Variants in ATP10B observed in about 807,000 individuals in gnomAD.
The protein encoded by ATP10B is ATPase phospholipid transporting 10B (putative).
In ATP10B, 122 loss-of-function variants were observed where a neutral mutation model predicts 141.2. That is an observed-to-expected ratio of 0.86 (90% CI 0.75 to 1.00). The LOEUF (loss-of-function observed/expected upper bound fraction) is 1.00, where lower values mean the gene tolerates loss of function less well. Ranked by LOEUF, ATP10B falls within the 50% of genes least tolerant of loss-of-function variation. The pLI is 0.00. For missense variants in ATP10B, 1,876 were observed against 1,825.3 expected, an observed-to-expected ratio of 1.03 and a Z score of -0.51; for synonymous variants, 685 against 692.0, an observed-to-expected ratio of 0.99 and a Z score of 0.16.
At chr5:160,708,323 C>T (rs1314949583) in intron 3 of ATP10B, among the ~76,000 whole-genome samples, 1 of 152,152 alleles carries the variant, frequency 6.6e-6, no homozygotes, top group African/African-American at 2.4e-5. Flanking sequence ...ACCCCCGCCC[C>T]CTTCCAATCT....
chr5:160,812,020 C>CAGAGACAGAGAGAGAG (rs1554119636), intron 1 of ATP10B, among the ~76,000 whole-genome samples: 3 of 111,526 alleles, frequency 2.7e-5, no homozygotes, highest in East Asian at 3.3e-4. Context: ...GAGACAGAGA[C>CAGAGACAGAGAGAGAG]AGAGAGAGAG....
At chr5:160,868,581 A>C in the ATP10B span, among the ~76,000 whole-genome samples, 1 of 148,766 alleles carries the variant, frequency 6.7e-6, no homozygotes, top group Non-Finnish European at 1.5e-5. Flanking sequence ...ATGCAACTAT[A>C]TCTCTCTGAC....
At chr5:160,818,794 G>A (rs374494722) in intron 1 of ATP10B, among the ~76,000 whole-genome samples, 13 of 152,078 alleles carry the variant, frequency 8.5e-5, no homozygotes, top group South Asian at 2.1e-4. Flanking sequence ...TGTGGCACAT[G>A]TACACCATGG....
chr5:160,747,414 T>C (rs1250153766), intron 2 of ATP10B, among the ~76,000 whole-genome samples: 1 of 152,214 alleles, frequency 6.6e-6, no homozygotes, highest in Non-Finnish European at 1.5e-5. Context: ...CAATCCTCAA[T>C]ATTTATGAAT....
At chr5:160,849,881 A>G (rs928731936) in intron 1 of ATP10B, among the ~76,000 whole-genome samples, 1 of 152,216 alleles carries the variant, frequency 6.6e-6, no homozygotes, top group Admixed American at 6.5e-5. Context: ...ATTGTAAAAC[A>G]ATGTCACCAG....
the ATP10B span, among the ~76,000 whole-genome samples, chr5:160,877,906 T>A: frequency 6.6e-6 from 1 of 150,556 alleles, no homozygotes; most frequent in Non-Finnish European, 1.5e-5. Flanking sequence ...TGGAAGAACA[T>A]TCCATGCTCA....
At chr5:160,608,382 A>G (rs895456808) in intron 18 of ATP10B, among the ~76,000 whole-genome samples, 1 of 152,224 alleles carries the variant, frequency 6.6e-6, no homozygotes, top group African/African-American at 2.4e-5. Context: ...TAGTGCCGCA[A>G]TAAACATATA....
At chr5:160,797,238 C>T (rs916812711) in intron 1 of ATP10B, among the ~76,000 whole-genome samples, 8 of 152,124 alleles carry the variant, frequency 5.3e-5, no homozygotes, top group Non-Finnish European at 8.8e-5. Flanking sequence ...CCACTGTGTC[C>T]GGCCCACAGA....
chr5:160,880,850 A>G, the ATP10B span, among the ~76,000 whole-genome samples: 1 of 152,206 alleles, frequency 6.6e-6, no homozygotes, highest in East Asian at 1.9e-4. Context: ...TAGAAAATGT[A>G]GGAGAAAACC....
At chr5:160,902,717 A>G in the ATP10B span, among the ~76,000 whole-genome samples, 21 of 152,146 alleles carry the variant, frequency 1.4e-4, no homozygotes, top group Non-Finnish European at 7.3e-5. Context: ...AGTATTTTCT[A>G]TTTTTCTGTT....
At chr5:160,918,481 G>T in the ATP10B span, among the ~76,000 whole-genome samples, 1 of 152,080 alleles carries the variant, frequency 6.6e-6, no homozygotes, top group South Asian at 2.1e-4. Context: ...AAATCTTAAG[G>T]CTAGATAGAC....
At chr5:160,901,481 T>C in the ATP10B span, among the ~76,000 whole-genome samples, 1 of 152,284 alleles carries the variant, frequency 6.6e-6, no homozygotes, top group African/African-American at 2.4e-5. Flanking sequence ...GCTGGGGATT[T>C]AGTAAGAAAA....
chr5:160,606,901 C>A lies in ATP10B; in HGVS notation c.3024G>T (p.Gln1008His). The A allele has an allele frequency of 6.2e-7, 1 of 1,614,180 alleles. No individual in the cohort carries two copies. The highest frequency in any genetic ancestry group is 8.5e-7 in the Non-Finnish European group (1 of 1,180,032). The stretch of plus-strand genomic sequence containing the variant: ...CCAGAAACTTCTTCTCTAGCTTTCC[C>A]TGGAAGATGGCATTCAATGTCTTCC... ...IDGKTLNAIFQGKLEKKFLEL... is the reference protein window; with the variant it reads ...IDGKTLNAIFHGKLEKKFLEL... Residue 1008 changes from glutamine (Q) to histidine (H), a missense_variant, in exon 19 of 26, where the codon CAG becomes CAT. Coordinates refer to ENST00000327245, the MANE Select transcript of ATP10B (RefSeq NM_025153.3).
intron 1 of ATP10B, among the ~76,000 whole-genome samples, chr5:160,829,077 G>A (rs972934560): frequency 2.7e-5 from 3 of 111,886 alleles, no homozygotes; most frequent in African/African-American, 1.0e-4. Flanking sequence ...GGAGGGGGGA[G>A]GGATAGCATT....
chr5:160,756,491 C>A (rs1201377387), intron 2 of ATP10B, among the ~76,000 whole-genome samples: 4 of 152,210 alleles, frequency 2.6e-5, no homozygotes, highest in African/African-American at 9.7e-5. Context: ...TTCCCAGCAG[C>A]AGTGTATGAG....
chr5:160,925,038 A>G, the ATP10B span, among the ~76,000 whole-genome samples: 1 of 152,256 alleles, frequency 6.6e-6, no homozygotes, highest in Admixed American at 6.5e-5. Flanking sequence ...GCTAAAGATG[A>G]CAGGACACCG....
At chr5:160,605,485 C>A (rs962104742) in intron 19 of ATP10B, among the ~76,000 whole-genome samples, 3 of 152,132 alleles carry the variant, frequency 2.0e-5, no homozygotes, top group Non-Finnish European at 2.9e-5. Flanking sequence ...GGGAGTGAAG[C>A]CAATATCTGA....
intron 1 of ATP10B, among the ~76,000 whole-genome samples, chr5:160,825,054 T>C (rs1242569155): frequency 1.3e-5 from 2 of 152,238 alleles, no homozygotes; most frequent in African/African-American, 4.8e-5. Context: ...CCTTTTTGTT[T>C]ATGTCACTAT....
At chr5:160,680,665 TA>T (rs1036516327) in intron 6 of ATP10B, among the ~76,000 whole-genome samples, 2 of 152,190 alleles carry the variant, frequency 1.3e-5, no homozygotes, top group African/African-American at 4.8e-5. Flanking sequence ...ATCTTATTTT[TA>T]AAAAAACTTT....
Sources: allele counts gnomAD v4.1 joint callset (sites outside exome capture counted in the v4.1 genomes callset), GRCh38; gene constraint gnomAD v4.1.1; transcripts MANE v1.5; gene names NCBI Gene and HGNC (gene_info 2026-07-23, HGNC 2026-07-21).